Variants in GYG1 observed in about 807,000 individuals in gnomAD.
The protein encoded by GYG1 is glycogenin 1.
GYG1 carries 44 observed loss-of-function variants against 41.9 expected under a neutral mutation model. That is an observed-to-expected ratio of 1.05 (90% CI 0.83 to 1.35). The LOEUF (loss-of-function observed/expected upper bound fraction) is 1.35. Among genes scored for constraint, GYG1 ranks in the 40% most tolerant of loss-of-function variants. The pLI is 0.00. For missense variants in GYG1, 429 were observed against 418.9 expected, an observed-to-expected ratio of 1.02 and a Z score of -0.21; for synonymous variants, 141 against 158.1, an observed-to-expected ratio of 0.89 and a Z score of 0.81.
chr3:149,008,903 G>T, intron 4 of GYG1: 1 of 218,744 alleles, frequency 4.6e-6, no homozygotes. Flanking sequence ...CACGTTGGTA[G>T]TCCTTGCACT....
rs754116633 is a variant in GYG1, at chr3:148,991,611, G to T, written c.-30G>T. 5.8e-6 allele frequency: 9 copies of T among 1,554,276 alleles called. No homozygotes were observed. The East Asian group carries it at 1.2e-4, about 21-fold the overall frequency. ...TTCTCTGAGTCACCAACCTGAGGCT[G>T]CCCCGGCCGCCTGCGCACCCGGCAG... On this transcript the variant is annotated 5_prime_UTR_variant, in exon 1 of 8. Transcript: ENST00000345003.
chr3:149,026,343 A>G (rs900350916), intron 6 of GYG1, 109 bp from the exon 7 acceptor site: 1 of 788,132 alleles, frequency 1.3e-6, no homozygotes, highest in Non-Finnish European at 2.3e-6. Context: ...GTTGGGTATC[A>G]TTTTGTTTAA....
At chr3:149,006,233 C>G (rs909126918) in intron 4 of GYG1, among the ~76,000 whole-genome samples, 2 of 152,050 alleles carry the variant, frequency 1.3e-5, no homozygotes, top group South Asian at 4.1e-4. Flanking sequence ...TAGGCGCGTG[C>G]CACCATGCCC....
intron 4 of GYG1, among the ~76,000 whole-genome samples, chr3:148,997,566 G>T (rs1447764632): frequency 6.6e-6 from 1 of 152,160 alleles, no homozygotes; most frequent in East Asian, 1.9e-4. Flanking sequence ...TGGAGAAGTT[G>T]ATCAAATGAA....
Position 148,991,548 on chromosome 3 carries a change from G to A in GYG1, c.-93G>A, listed in dbSNP as rs1440348122. Reference sequence around the variant, plus strand: ...CGGGGCAGACGCTCGGTTCCCCGCCGTGCCTCCTCGCTGGCCGCGCTCCCT... The same window carrying A: ...CGGGGCAGACGCTCGGTTCCCCGCCATGCCTCCTCGCTGGCCGCGCTCCCT... On this transcript the variant is annotated 5_prime_UTR_variant, in exon 1 of 8. It adds an upstream start codon to the 5' untranslated region. Transcript: ENST00000345003. 7 of 1,498,502 alleles carry A rather than the reference G, an allele frequency of 4.7e-6. No homozygotes were observed. Among genetic ancestry groups the A allele is most frequent in the Non-Finnish European group, 4.5e-6 (5 of 1,116,832 alleles). The allele number at this position is 1,498,502 out of a possible 1,614,324, so 92.8% of individuals were successfully genotyped here.
chr3:148,991,730 G>A, intron 1 of GYG1, 83 bp downstream of exon 1: 1 of 1,128,874 alleles, frequency 8.9e-7, no homozygotes, highest in Non-Finnish European at 1.3e-6. Context: ...TCCGCCCTCA[G>A]CCCCGGAGTG....
chr3:148,995,721 T>G (rs1284418673), intron 2 of GYG1, among the ~76,000 whole-genome samples: 1 of 152,206 alleles, frequency 6.6e-6, no homozygotes, highest in East Asian at 1.9e-4. Context: ...ATCTCTGATG[T>G]TATAAACTTT....
At chr3:148,998,520 A>G (rs1430307320) in intron 4 of GYG1, among the ~76,000 whole-genome samples, 2 of 152,232 alleles carry the variant, frequency 1.3e-5, no homozygotes, top group Admixed American at 6.5e-5. Flanking sequence ...TGCTCTCTAC[A>G]TGCTCTAAAA....
intron 4 of GYG1, among the ~76,000 whole-genome samples, chr3:148,999,320 T>A (rs771883654): frequency 3.9e-5 from 6 of 152,146 alleles, no homozygotes; most frequent in Non-Finnish European, 8.8e-5. Context: ...GGCTCATTGG[T>A]GGTGAAGGAC....
intron 5 of GYG1, among the ~76,000 whole-genome samples, chr3:149,022,497 C>CATTTTTTTT (rs1377630763): frequency 2.3e-5 from 1 of 43,908 alleles, no homozygotes; most frequent in Non-Finnish European, 4.2e-5. Flanking sequence ...TCTTGTTTTG[C>CATTTTTTTT]CTTTTTTTTT....
Position 148,996,299 on chromosome 3 carries a change from CAG to C in GYG1, c.144-1_144del. ...TGTGGTATTCTGGATTTTATTTTGA[CAG>C]AAAAGTTTTAGAGACAGTCTTTGAT... On this transcript the variant is annotated splice_acceptor_variant, in intron 2 of 7. Coordinates refer to ENST00000345003, the MANE Select transcript of GYG1 (RefSeq NM_004130.4). LOFTEE classifies it high-confidence loss of function. 3 of 1,607,454 alleles carry C rather than the reference CAG, an allele frequency of 1.9e-6. No individual in the cohort carries two copies. The highest frequency in any genetic ancestry group is 1.1e-5 in the South Asian group (1 of 90,910).
chr3:148,994,376 T>C lies in GYG1; in HGVS notation c.143+99T>C. Reference sequence around the variant, plus strand: ...ATTGAGGCCATGCTCTTTTCAGGAATTGAGCACCGGGTAGAGAAAAATGAG... The same window carrying C: ...ATTGAGGCCATGCTCTTTTCAGGAACTGAGCACCGGGTAGAGAAAAATGAG... On this transcript the variant is annotated intron_variant, in intron 2 of 7. Coordinates refer to ENST00000345003, the MANE Select transcript of GYG1 (RefSeq NM_004130.4). 1.6e-6 allele frequency: 2 copies of C among 1,278,114 alleles called. 1 individual carries two copies. Among genetic ancestry groups the C allele is most frequent in the Admixed American group, 3.4e-5 (2 of 59,554 alleles). The allele number at this position is 1,278,114 out of a possible 1,614,324, so 79.2% of individuals were successfully genotyped here. A position where few individuals can be genotyped will look rare whatever the true frequency, so the allele number is the denominator to read the frequency against.
At chr3:148,996,943 T>C (rs771480572) in intron 4 of GYG1, 39 bp downstream of exon 4, 1 of 1,447,524 alleles carries the variant, frequency 6.9e-7, no homozygotes, top group Non-Finnish European at 9.7e-7. Context: ...AAGCTGTTAA[T>C]AGTAATTTCT....
chr3:149,016,923 G>C lies in GYG1; in HGVS notation c.609-7130G>C, dbSNP rs377184460. 2.0e-4 allele frequency among the ~76,000 whole-genome samples: 30 copies of C among 152,332 alleles called. No individual in the cohort carries two copies. In the South Asian group the frequency reaches 2.3e-3, roughly 12 times the overall value. On this transcript the variant is annotated intron_variant, in intron 5 of 7. Transcript: ENST00000345003. ...AATATAATAGAGAACATGAGCCACA[G>C]AAGTGGGCAAGAGGATGCTTGACAT...
At chr3:149,002,827 C>G (rs957434485) in intron 4 of GYG1, among the ~76,000 whole-genome samples, 1 of 152,120 alleles carries the variant, frequency 6.6e-6, no homozygotes, top group African/African-American at 2.4e-5. Context: ...TCCAGACCAG[C>G]CTGGCCAAAA....
At position 149,026,329 on chromosome 3, in the gene GYG1, G is replaced by GC. The variant is rs1256012569; in HGVS notation, c.829-121dup. On this transcript the variant is annotated intron_variant, in intron 6 of 7. Transcript: ENST00000345003. ...CTAGTTAGATTCTTTCTGAAATGTA[G>GC]CCTGTTGGGTATCATTTTGTTTAAG... 4 of 768,424 alleles carry GC rather than the reference G, an allele frequency of 5.2e-6. No individual in the cohort carries two copies. In the East Asian group the frequency reaches 9.8e-5, roughly 19 times the overall value. The allele number at this position is 768,424 out of a possible 1,614,324, so 47.6% of individuals were successfully genotyped here. A position where few individuals can be genotyped will look rare whatever the true frequency, so the allele number is the denominator to read the frequency against.
chr3:149,018,738 C>T (rs186932599), intron 5 of GYG1, among the ~76,000 whole-genome samples: 2 of 152,170 alleles, frequency 1.3e-5, no homozygotes, highest in African/African-American at 4.8e-5. Context: ...CTATCCATTT[C>T]CATAGATAGT....
At chr3:149,025,615 A>T (rs768540271) in intron 6 of GYG1, among the ~76,000 whole-genome samples, 2 of 152,196 alleles carry the variant, frequency 1.3e-5, no homozygotes, top group African/African-American at 4.8e-5. Context: ...ATTAAGTATT[A>T]TATCTCCTTT....
chr3:149,017,730 A>G (rs1168761614), intron 5 of GYG1, among the ~76,000 whole-genome samples: 3 of 148,492 alleles, frequency 2.0e-5, no homozygotes, highest in Non-Finnish European at 4.5e-5. Context: ...CAGCCTCCCA[A>G]GTAGCTGGGA....
Sources: gnomAD v4.1 joint callset for allele counts (sites outside exome capture counted in the v4.1 genomes callset) on GRCh38, gnomAD v4.1.1 for gene constraint, MANE v1.5 for transcripts, NCBI Gene and HGNC (gene_info 2026-07-23, HGNC 2026-07-21) for gene names.